The following F13A1 variants were observed in gnomAD, a reference collection of about 807,000 sequenced individuals.
F13A1 encodes the protein coagulation factor XIII A chain.
Under a neutral mutation model 80.1 loss-of-function variants are expected in F13A1, and 47 were observed. That is an observed-to-expected ratio of 0.59 (90% CI 0.46 to 0.75). The LOEUF (loss-of-function observed/expected upper bound fraction) is 0.75, where lower values mean the gene tolerates loss of function less well. Ranked by LOEUF, F13A1 falls within the 30% of genes least tolerant of loss-of-function variation. The pLI is 0.00. For synonymous variants in F13A1, 349 were observed against 344.9 expected (o/e 1.01, Z -0.13); for missense variants, 817 against 930.4 (o/e 0.88, Z 1.59).
intron 8 of F13A1, among the ~76,000 whole-genome samples, chr6:6,200,365 G>T (rs113366318): frequency 2.0e-5 from 3 of 152,172 alleles, no homozygotes; most frequent in African/African-American, 7.2e-5. Context: ...CCAGGAGTTT[G>T]AGGCCATCCT....
At chr6:6,221,806 T>C (rs1757199034) in intron 8 of F13A1, among the ~76,000 whole-genome samples, 1 of 152,220 alleles carries the variant, frequency 6.6e-6, no homozygotes. Context: ...TTTTGGTGGT[T>C]GCTATTATAA....
Position 6,203,238 on chromosome 6 carries a change from C to T in F13A1, c.1113-5912G>A, listed in dbSNP as rs968181266. 5.9e-5 allele frequency among the ~76,000 whole-genome samples: 9 copies of T among 152,198 alleles called. 1 individual carries two copies. The highest frequency in any genetic ancestry group is 2.1e-4 in the South Asian group (1 of 4,830). ...GCAGAATTTTAAATGACTCCCACTACCTTTTGCATAATTTTGTATAATTTT... is the reference window on the plus strand; with the variant it reads ...GCAGAATTTTAAATGACTCCCACTATCTTTTGCATAATTTTGTATAATTTT... On this transcript the variant is annotated intron_variant, in intron 8 of 14. Transcript: ENST00000264870.
At chr6:6,192,545 T>C (rs1417425543) in intron 10 of F13A1, among the ~76,000 whole-genome samples, 1 of 152,230 alleles carries the variant, frequency 6.6e-6, no homozygotes, top group African/African-American at 2.4e-5. Context: ...AATAAATGAC[T>C]GGATTATTTT....
chr6:6,295,258 C>G (rs1246008814), intron 3 of F13A1, among the ~76,000 whole-genome samples: 1 of 147,874 alleles, frequency 6.8e-6, no homozygotes, highest in Non-Finnish European at 1.5e-5. Flanking sequence ...GGGTATATAC[C>G]CAGTAATGGG....
At position 6,224,791 on chromosome 6, in the gene F13A1, G is replaced by C. The variant is rs771954184; in HGVS notation, c.868C>G (p.Pro290Ala). Residue 290 changes from proline (P) to alanine (A), a missense_variant, in exon 7 of 15, where the codon CCA (proline) becomes GCA (alanine). Coordinates refer to ENST00000264870, the MANE Select transcript of F13A1 (RefSeq NM_000129.4). ...WDNIYAYGVP[P>A]SAWTGSVDIL... ...TCAACGCTTCCAGTCCAGGCCGATGGGGGGACGCCATAGGCATAGATATTG... is the reference window on the plus strand; with the variant it reads ...TCAACGCTTCCAGTCCAGGCCGATGCGGGGACGCCATAGGCATAGATATTG... The C allele has an allele frequency of 6.2e-7, 1 of 1,614,106 alleles. No individual in the cohort carries two copies. Among genetic ancestry groups the C allele is most frequent in the Non-Finnish European group, 8.5e-7 (1 of 1,179,990 alleles).
intron 3 of F13A1, among the ~76,000 whole-genome samples, chr6:6,301,681 T>C (rs1487967817): frequency 6.6e-6 from 1 of 152,226 alleles, no homozygotes; most frequent in Non-Finnish European, 1.5e-5. Context: ...TTCACTGTAA[T>C]GGATGCTGTG....
At chr6:6,255,030 G>A (rs1366636948) in intron 4 of F13A1, among the ~76,000 whole-genome samples, 3 of 152,068 alleles carry the variant, frequency 2.0e-5, no homozygotes, top group Non-Finnish European at 4.4e-5. Context: ...TATTATCAGA[G>A]TCCTTCAACA....
intron 2 of F13A1, among the ~76,000 whole-genome samples, chr6:6,306,771 C>T (rs776693952): frequency 3.3e-5 from 5 of 152,226 alleles, no homozygotes; most frequent in African/African-American, 4.8e-5. Flanking sequence ...GCACCATGTG[C>T]GCAGAAAGCA....
intron 8 of F13A1, among the ~76,000 whole-genome samples, chr6:6,203,942 T>G (rs2151084588): frequency 6.6e-6 from 1 of 152,322 alleles, no homozygotes; most frequent in East Asian, 1.9e-4. Flanking sequence ...TCCGAAACAC[T>G]GAGGACTATT....
chr6:6,193,394 G>C (rs1172286096), intron 10 of F13A1, among the ~76,000 whole-genome samples: 3 of 152,120 alleles, frequency 2.0e-5, no homozygotes, highest in Non-Finnish European at 4.4e-5. Flanking sequence ...AAGGACGAGG[G>C]AGAGCAGAGA....
chr6:6,296,538 C>T (rs1435948982), intron 3 of F13A1, among the ~76,000 whole-genome samples: 1 of 150,804 alleles, frequency 6.6e-6, no homozygotes, highest in Non-Finnish European at 1.5e-5. Flanking sequence ...CATGATTTGG[C>T]TCTCTGTTTG....
rs764006374 is a variant in F13A1, at chr6:6,145,647, A to G, written c.2171T>C (p.Val724Ala). The G allele has an allele frequency of 8.1e-6, 13 of 1,614,124 alleles. No individual in the cohort carries two copies. Among genetic ancestry groups the G allele is most frequent in the Non-Finnish European group, 1.1e-5 (13 of 1,179,998 alleles). The change falls in exon 15 of 15, where the codon GTG becomes GCG. Residue 724 changes from valine (V) to alanine (A), a missense_variant. By Grantham distance (64) the Val-to-Ala change is moderately conservative. Coordinates refer to ENST00000264870, the MANE Select transcript of F13A1 (RefSeq NM_000129.4). ...SLRHVYGELD[V>A]QIQRRPSM is the part of the protein sequence containing the mutation. ...CATGGAAGGTCGTCTTTGAATCTGCACGTCCAGCTCGCCATACACATGTCT... is the reference window on the plus strand; with the variant it reads ...CATGGAAGGTCGTCTTTGAATCTGCGCGTCCAGCTCGCCATACACATGTCT...
chr6:6,271,365 A>G (rs1188914039), intron 3 of F13A1, among the ~76,000 whole-genome samples: 2 of 152,180 alleles, frequency 1.3e-5, no homozygotes, highest in Non-Finnish European at 2.9e-5. Flanking sequence ...TTACGAGACC[A>G]CAATCCAGCT....
intron 8 of F13A1, among the ~76,000 whole-genome samples, chr6:6,209,986 G>A (rs780943718): frequency 6.6e-6 from 1 of 152,060 alleles, no homozygotes; most frequent in Non-Finnish European, 1.5e-5. Flanking sequence ...AGCACTCTGG[G>A]AGGCTGAGGC....
intron 8 of F13A1, among the ~76,000 whole-genome samples, chr6:6,201,431 G>C (rs545101498): frequency 6.6e-6 from 1 of 152,278 alleles, no homozygotes; most frequent in South Asian, 2.1e-4. Context: ...GTAGGGCTGG[G>C]CCTCCATCAA....
At position 6,298,313 on chromosome 6, in the gene F13A1, C is replaced by T. The variant is rs1248795242; in HGVS notation, c.319+7038G>A. ...ATTCCTGGGTATCCTTGTTGACTTT[C>T]TGTCTCGTTGATCTGTCTAATGTTG... On this transcript the variant is annotated intron_variant, in intron 3 of 14. Transcript: ENST00000264870. Among the ~76,000 whole-genome samples the T allele has an allele frequency of 2.7e-5, 4 of 148,270 alleles. 1 individual carries two copies. Among genetic ancestry groups the T allele is most frequent in the African/African-American group, 1.0e-4 (4 of 38,344 alleles).
At chr6:6,282,626 C>T (rs972506460) in intron 3 of F13A1, among the ~76,000 whole-genome samples, 1 of 152,124 alleles carries the variant, frequency 6.6e-6, no homozygotes, top group African/African-American at 2.4e-5. Flanking sequence ...CGGAAATGAC[C>T]GACAGGCTTA....
intron 6 of F13A1, among the ~76,000 whole-genome samples, chr6:6,247,150 T>A (rs923920036): frequency 2.0e-5 from 3 of 152,186 alleles, no homozygotes; most frequent in Non-Finnish European, 2.9e-5. Context: ...TGCTGTTTCT[T>A]AAATTCACAT....
At position 6,224,769 on chromosome 6, in the gene F13A1, A is replaced by G; in HGVS notation, c.890T>C (p.Val297Ala). The G allele has an allele frequency of 6.2e-7, 1 of 1,614,110 alleles. No individual in the cohort carries two copies. Among genetic ancestry groups the G allele is most frequent in the Admixed American group, 1.7e-5 (1 of 60,024 alleles). ...GCTCCGGTATTCCAATAGAATGTCA[A>G]CGCTTCCAGTCCAGGCCGATGGGGG... is the stretch of plus-strand genomic sequence containing the variant. Reference protein sequence around the residue: ...GVPPSAWTGSVDILLEYRSSE... With the variant: ...GVPPSAWTGSADILLEYRSSE... Residue 297 changes from valine (V) to alanine (A), a missense_variant, in exon 7 of 15, where the codon GTT becomes GCT. Coordinates refer to ENST00000264870, the MANE Select transcript of F13A1 (RefSeq NM_000129.4).
Sources: allele counts gnomAD v4.1 joint callset (sites outside exome capture counted in the v4.1 genomes callset), GRCh38; gene constraint gnomAD v4.1.1; transcripts MANE v1.5; gene names NCBI Gene and HGNC (gene_info 2026-07-23, HGNC 2026-07-21).